MITF: variants seen among roughly 807,000 people sequenced by gnomAD.
MITF encodes the protein melanocyte inducing transcription factor.
MITF carries 17 observed loss-of-function variants against 60.5 expected under a neutral mutation model. The ratio of observed to expected loss-of-function variants is 0.28; its 90% CI spans 0.19 to 0.42. The LOEUF is 0.42. Among genes scored for constraint, MITF ranks in the 10% least tolerant of loss-of-function variants. MITF has a pLI of 1.00. For missense variants in MITF, 622 were observed against 683.5 expected (o/e 0.91, Z 1.00); for synonymous variants, 260 against 248.5 (o/e 1.05, Z -0.43).
chr3:69,762,990 C>G (rs1035468775), intron 1 of MITF, among the ~76,000 whole-genome samples: 7 of 152,146 alleles, frequency 4.6e-5, no homozygotes, highest in African/African-American at 1.7e-4. Flanking sequence ...GGTAAACAAC[C>G]TCTGAGTTAA....
chr3:69,894,554 C>T (rs564612091), intron 2 of MITF, among the ~76,000 whole-genome samples: 13 of 151,656 alleles, frequency 8.6e-5, no homozygotes, highest in South Asian at 8.4e-4. Context: ...GGCTTGGTGG[C>T]GGGCACCTGT....
At chr3:69,856,982 G>A (rs1017615488) in intron 1 of MITF, among the ~76,000 whole-genome samples, 41 of 151,784 alleles carry the variant, frequency 2.7e-4, no homozygotes, top group African/African-American at 8.0e-4. Context: ...TCAGATCATC[G>A]TTAGAGGTGG....
At chr3:69,855,301 A>G (rs995116929) in intron 1 of MITF, among the ~76,000 whole-genome samples, 5 of 151,316 alleles carry the variant, frequency 3.3e-5, no homozygotes, top group Admixed American at 6.6e-5. Flanking sequence ...AAAAAAGTAC[A>G]TATCTTTTTG....
At chr3:69,858,686 T>G (rs1182750671) in intron 1 of MITF, among the ~76,000 whole-genome samples, 1 of 152,158 alleles carries the variant, frequency 6.6e-6, no homozygotes, top group Non-Finnish European at 1.5e-5. Flanking sequence ...CCATCAATAT[T>G]TAGTCTTTAG....
intron 1 of MITF, among the ~76,000 whole-genome samples, chr3:69,804,579 T>A (rs1204115445): frequency 6.6e-6 from 1 of 152,242 alleles, no homozygotes; most frequent in Non-Finnish European, 1.5e-5. Context: ...TTTACTTGAA[T>A]TTTGGAAAGT....
At chr3:69,894,404 G>A (rs1304467589) in intron 2 of MITF, among the ~76,000 whole-genome samples, 3 of 152,168 alleles carry the variant, frequency 2.0e-5, no homozygotes, top group Non-Finnish European at 4.4e-5. Context: ...GCGCTGTGCT[G>A]GCTGGGCACA....
chr3:69,766,587 T>C (rs2062299152), intron 1 of MITF, among the ~76,000 whole-genome samples: 1 of 152,030 alleles, frequency 6.6e-6, no homozygotes, highest in African/African-American at 2.4e-5. Context: ...ATTAAAAAAA[T>C]GTTGAATCAA....
intron 1 of MITF, among the ~76,000 whole-genome samples, chr3:69,849,396 T>C (rs1460508861): frequency 6.6e-6 from 1 of 152,220 alleles, no homozygotes; most frequent in African/African-American, 2.4e-5. Flanking sequence ...TATCAGGCTC[T>C]GGTGACCAAG....
At chr3:69,938,168 T>G (rs1158764226) in intron 3 of MITF, 119 bp downstream of exon 3, 1 of 1,236,044 alleles carries the variant, frequency 8.1e-7, no homozygotes, top group Non-Finnish European at 1.2e-6. Context: ...TTACCAGCCT[T>G]TGTCCCCGAT....
chr3:69,957,607 TATA>T (rs745505480), intron 8 of MITF, among the ~76,000 whole-genome samples: 47 of 152,354 alleles, frequency 3.1e-4, no homozygotes, highest in Admixed American at 1.7e-3. Flanking sequence ...CTTCATTTCC[TATA>T]GTCAGTCTTG....
At chr3:69,913,871 A>G (rs567480197) in intron 2 of MITF, among the ~76,000 whole-genome samples, 63 of 152,344 alleles carry the variant, frequency 4.1e-4, no homozygotes, top group Non-Finnish European at 8.1e-4. Context: ...AATGCAGTCT[A>G]GATTTGATAT....
chr3:69,875,287 C>T (rs970546823), intron 1 of MITF, among the ~76,000 whole-genome samples: 1 of 152,294 alleles, frequency 6.6e-6, no homozygotes, highest in African/African-American at 2.4e-5. Context: ...TCTCTCTGCC[C>T]ATCGGCTTTC....
intron 1 of MITF, among the ~76,000 whole-genome samples, chr3:69,764,708 C>T (rs1474634597): frequency 6.6e-6 from 1 of 152,144 alleles, no homozygotes; most frequent in African/African-American, 2.4e-5. Flanking sequence ...AATATTTTTA[C>T]TCAACAGTTT....
At chr3:69,930,758 A>G (rs1020297012) in intron 2 of MITF, among the ~76,000 whole-genome samples, 1 of 152,272 alleles carries the variant, frequency 6.6e-6, no homozygotes. Context: ...TTAGAAATGC[A>G]GAAATCTTGG....
At chr3:69,855,061 C>G (rs1287936244) in intron 1 of MITF, among the ~76,000 whole-genome samples, 1 of 151,528 alleles carries the variant, frequency 6.6e-6, no homozygotes, top group African/African-American at 2.4e-5. Flanking sequence ...GAGACCAGCC[C>G]CCTCATGTTG....
intron 7 of MITF, among the ~76,000 whole-genome samples, chr3:69,954,264 G>A (rs2066342377): frequency 1.3e-5 from 2 of 152,296 alleles, no homozygotes; most frequent in South Asian, 4.1e-4. Context: ...TATTTGTTGA[G>A]AGCGTACTAT....
intron 1 of MITF, among the ~76,000 whole-genome samples, chr3:69,837,370 T>C (rs2063556354): frequency 6.6e-6 from 1 of 152,206 alleles, no homozygotes; most frequent in Non-Finnish European, 1.5e-5. Context: ...TATTACTTTC[T>C]ACCTTGTTTG....
At chr3:69,873,132 A>T (rs956662201) in intron 1 of MITF, among the ~76,000 whole-genome samples, 10 of 152,332 alleles carry the variant, frequency 6.6e-5, no homozygotes, top group African/African-American at 2.4e-4. Context: ...TGTTGACAGA[A>T]GTCCAGAAGA....
intron 1 of MITF, among the ~76,000 whole-genome samples, chr3:69,835,656 G>A (rs2063528437): frequency 6.6e-6 from 1 of 152,230 alleles, no homozygotes; most frequent in South Asian, 2.1e-4. Context: ...TTTTGTATAT[G>A]GTGAGAGGTA....
Sources: gnomAD v4.1 joint callset for allele counts (sites outside exome capture counted in the v4.1 genomes callset) on GRCh38, gnomAD v4.1.1 for gene constraint, MANE v1.5 for transcripts, NCBI Gene and HGNC (gene_info 2026-07-23, HGNC 2026-07-21) for gene names.